The following GRIP2 variants were observed in gnomAD, a reference collection of about 807,000 sequenced individuals.
The protein encoded by GRIP2 is glutamate receptor interacting protein 2, also known as glutamate receptor-interacting protein 2.
Under a neutral mutation model 108.3 loss-of-function variants are expected in GRIP2, and 58 were observed. That is an observed-to-expected ratio of 0.54 (90% CI 0.43 to 0.67). The LOEUF is 0.67. GRIP2 is among the 30% of genes least tolerant of loss of function. The pLI is 0.00. For missense variants in GRIP2, 1,278 were observed against 1,430.6 expected (o/e 0.89, Z 1.72); for synonymous variants, 586 against 598.2 (o/e 0.98, Z 0.30).
At chr3:14,590,284 T>G in the GRIP2 span, among the ~76,000 whole-genome samples, 2 of 152,198 alleles carry the variant, frequency 1.3e-5, no homozygotes, top group South Asian at 4.1e-4. Context: ...GACGCTTACT[T>G]TTCTTATTGA....
chr3:14,513,836 G>C (rs1193347032), intron 12 of GRIP2, 26 bp from the exon 13 acceptor site: 1 of 1,608,542 alleles, frequency 6.2e-7, no homozygotes, highest in South Asian at 1.1e-5. Flanking sequence ...CCGGCAGAGA[G>C]AAGAGGCTCC....
chr3:14,517,494 C>CTTTTT (rs146509076), intron 10 of GRIP2, among the ~76,000 whole-genome samples: 1 of 107,754 alleles, frequency 9.3e-6, no homozygotes, highest in Non-Finnish European at 1.8e-5. Context: ...ATCTCTCTCT[C>CTTTTT]TTTTTTTTTT....
the GRIP2 span, among the ~76,000 whole-genome samples, chr3:14,587,571 G>A: frequency 1.4e-4 from 21 of 151,508 alleles, no homozygotes; most frequent in South Asian, 2.1e-4. Flanking sequence ...CCTGGGAGGC[G>A]GAGGTTGCAG....
At chr3:14,592,483 C>G in the GRIP2 span, among the ~76,000 whole-genome samples, 8 of 152,162 alleles carry the variant, frequency 5.3e-5, no homozygotes, top group East Asian at 1.2e-3. Context: ...AACAGTCGAC[C>G]CCACACACTC....
the GRIP2 span, among the ~76,000 whole-genome samples, chr3:14,572,064 C>T: frequency 6.6e-6 from 1 of 152,198 alleles, no homozygotes; most frequent in Admixed American, 6.5e-5. Context: ...TAAAAATATG[C>T]ATATCCTGTG....
intron 11 of GRIP2, among the ~76,000 whole-genome samples, chr3:14,514,926 T>A (rs903216942): frequency 2.6e-5 from 4 of 152,238 alleles, no homozygotes; most frequent in Non-Finnish European, 5.9e-5. Flanking sequence ...TATGCAAACA[T>A]CACCACGATG....
chr3:14,575,062 T>C, the GRIP2 span, among the ~76,000 whole-genome samples: 1 of 152,046 alleles, frequency 6.6e-6, no homozygotes, highest in Non-Finnish European at 1.5e-5. Context: ...AGGAGTGGGA[T>C]GTGATTGGAG....
chr3:14,538,318 G>T (rs906018915), intron 1 of GRIP2, among the ~76,000 whole-genome samples: 2 of 152,200 alleles, frequency 1.3e-5, no homozygotes, highest in Non-Finnish European at 2.9e-5. Flanking sequence ...ATCAGGGGTG[G>T]GCATGTGATA....
At chr3:14,502,688 A>G (rs1693800453) in intron 21 of GRIP2, among the ~76,000 whole-genome samples, 1 of 152,230 alleles carries the variant, frequency 6.6e-6, no homozygotes, top group African/African-American at 2.4e-5. Context: ...GCTTTAAAAG[A>G]TACATTATTC....
chr3:14,584,949 C>T, the GRIP2 span, among the ~76,000 whole-genome samples: 6 of 152,210 alleles, frequency 3.9e-5, no homozygotes, highest in Non-Finnish European at 5.9e-5. Flanking sequence ...CACCTGCCAC[C>T]TCTTTCCAGG....
At chr3:14,546,093 G>A (rs747526654), upstream of GRIP2, among the ~76,000 whole-genome samples, 5 of 152,144 alleles carry the variant, frequency 3.3e-5, no homozygotes, top group Non-Finnish European at 7.3e-5. Flanking sequence ...TGAGCCCCAG[G>A]TCTCCTTCAC....
intron 1 of GRIP2, among the ~76,000 whole-genome samples, chr3:14,531,928 C>T (rs954783613): frequency 8.6e-5 from 13 of 151,844 alleles, no homozygotes; most frequent in African/African-American, 3.1e-4. Flanking sequence ...GGGCTCAGCC[C>T]TCCGGGGCAC....
chr3:14,521,928 A>C lies in GRIP2; in HGVS notation c.567-141T>G. 1 of 698,530 alleles carries C rather than the reference A, an allele frequency of 1.4e-6. No homozygotes were observed. The allele number at this position is 698,530 out of a possible 1,614,324, so 43.3% of individuals were successfully genotyped here. ...AGGAAGGGGAGGAGGGGACGGGTGA[A>C]GGGGCGCATGAGTGAGTGAAGGAAT... On this transcript the variant is annotated intron_variant, in intron 6 of 23. Coordinates refer to ENST00000621039, the MANE Select transcript of GRIP2 (RefSeq NM_001080423.4). This position sits in a 1 kb window ranked among gnomAD's most constrained non-coding sequence, Gnocchi z 5.1.
In GRIP2 at chr3:14,506,720, CAAG is replaced by C. The variant is rs963371613; in HGVS notation, c.2398+78_2398+80del. 3.1e-6 allele frequency: 4 copies of C among 1,309,894 alleles called. No individual in the cohort carries two copies. The African/African-American group carries it at 6.0e-5, about 20-fold the overall frequency. The allele number at this position is 1,309,894 out of a possible 1,614,324, so 81.1% of individuals were successfully genotyped here. On this transcript the variant is annotated intron_variant, in intron 19 of 23. Transcript: ENST00000621039. ...GGAGCGCAGGAGGGAGGAACAGGCA[CAAG>C]AACAGTCCTGCACAGGCCCAGCAGC... is the stretch of plus-strand genomic sequence containing the variant.
the GRIP2 span, chr3:14,574,085 G>T: frequency 2.2e-6 from 3 of 1,373,866 alleles, no homozygotes; most frequent in Non-Finnish European, 3.1e-6. Flanking sequence ...AGACCCAGTG[G>T]TTCCACAGAA....
the GRIP2 span, chr3:14,572,895 G>A: frequency 7.8e-7 from 1 of 1,275,244 alleles, no homozygotes; most frequent in Non-Finnish European, 1.1e-6. Flanking sequence ...GAAATTATCA[G>A]TGAAGGGGAT....
Position 14,518,722 on chromosome 3 carries a change from C to G in GRIP2, c.1031-825G>C, listed in dbSNP as rs151178134. 4.2e-3 allele frequency among the ~76,000 whole-genome samples: 634 copies of G among 152,342 alleles called. 5 individuals are homozygous for G. Among genetic ancestry groups the G allele is most frequent in the African/African-American group, 0.014 (581 of 41,578 alleles). ...CTTGAGCCACATCTCCACAGCCCCC[C>G]TCCCCAGGGCTTGGCCCACTCTGGA... On this transcript the variant is annotated intron_variant, in intron 9 of 23. Coordinates refer to ENST00000621039, the MANE Select transcript of GRIP2 (RefSeq NM_001080423.4).
chr3:14,571,124 C>T, the GRIP2 span, among the ~76,000 whole-genome samples: 2 of 152,158 alleles, frequency 1.3e-5, no homozygotes, highest in African/African-American at 4.8e-5. Context: ...AAAATCACCC[C>T]CTGTTGAGAA....
chr3:14,571,116 A>T, the GRIP2 span, among the ~76,000 whole-genome samples: 3 of 152,146 alleles, frequency 2.0e-5, no homozygotes, highest in African/African-American at 7.2e-5. Context: ...GGGGAAAAAA[A>T]ATCACCCCCT....
Sources: gnomAD v4.1 joint callset for allele counts (sites outside exome capture counted in the v4.1 genomes callset) on GRCh38, gnomAD v4.1.1 for gene constraint, Gnocchi (gnomAD v3.1) non-coding constraint, MANE v1.5 for transcripts, NCBI Gene and HGNC (gene_info 2026-07-23, HGNC 2026-07-21) for gene names.